KLHL1: variants seen among roughly 807,000 people sequenced by gnomAD.
KLHL1 encodes kelch-like protein 1.
Under a neutral mutation model 77.7 loss-of-function variants are expected in KLHL1, and 47 were observed. That is an observed-to-expected ratio of 0.60 (90% CI 0.48 to 0.77). The LOEUF is 0.77. Ranked by LOEUF, KLHL1 falls within the 30% of genes least tolerant of loss-of-function variation. The probability of loss-of-function intolerance (pLI) is 0.00; values close to 1 mark genes in which losing one functional copy is unlikely to be tolerated. For synonymous variants in KLHL1, 360 were observed against 325.2 expected, an observed-to-expected ratio of 1.11 and a Z score of -1.15; for missense variants, 925 against 910.8, an observed-to-expected ratio of 1.02 and a Z score of -0.20.
chr13:69,771,953 T>TA (rs1280017132), intron 7 of KLHL1, among the ~76,000 whole-genome samples: 1 of 151,990 alleles, frequency 6.6e-6, no homozygotes, highest in Non-Finnish European at 1.5e-5. Flanking sequence ...ATAATAATAA[T>TA]AATAATTGTT....
intron 1 of KLHL1, among the ~76,000 whole-genome samples, chr13:70,027,293 G>A (rs555171691): frequency 3.9e-5 from 6 of 152,186 alleles, no homozygotes; most frequent in African/African-American, 1.2e-4. Context: ...AAGAAGCCAC[G>A]GAGATATAAT....
At chr13:70,019,066 C>T (rs1885726627) in intron 1 of KLHL1, among the ~76,000 whole-genome samples, 1 of 152,142 alleles carries the variant, frequency 6.6e-6, no homozygotes, top group South Asian at 2.1e-4. Flanking sequence ...ACAGAATATC[C>T]TGACTTGATG....
chr13:69,806,777 G>T (rs939073314), intron 6 of KLHL1, among the ~76,000 whole-genome samples: 2 of 152,190 alleles, frequency 1.3e-5, no homozygotes, highest in Non-Finnish European at 2.9e-5. Context: ...TGAGCCTGGA[G>T]TAACCTCAGT....
intron 7 of KLHL1, among the ~76,000 whole-genome samples, chr13:69,753,580 A>G (rs1260156222): frequency 6.6e-6 from 1 of 152,188 alleles, no homozygotes; most frequent in African/African-American, 2.4e-5. Flanking sequence ...TTTATTTTTC[A>G]ATATGACAGA....
chr13:70,043,173 G>A (rs1566526653), intron 1 of KLHL1, among the ~76,000 whole-genome samples: 1 of 151,404 alleles, frequency 6.6e-6, no homozygotes, highest in Non-Finnish European at 1.5e-5. Context: ...GAAAATGCTG[G>A]GATTACAGAC....
intron 4 of KLHL1, among the ~76,000 whole-genome samples, chr13:69,901,065 A>C (rs1441691091): frequency 2.0e-5 from 3 of 152,228 alleles, no homozygotes; most frequent in Non-Finnish European, 4.4e-5. Context: ...CCATAAACAG[A>C]AACAAGAAAC....
rs1364741980 is a variant in KLHL1, at chr13:69,975,536, C to G, written c.680+84G>C. 2.7e-6 allele frequency: 3 copies of G among 1,127,188 alleles called. No homozygotes were observed. In the East Asian group the frequency reaches 8.0e-5, roughly 30 times the overall value. The allele number at this position is 1,127,188 out of a possible 1,614,324, so 69.8% of individuals were successfully genotyped here. ...AAATGTGAATCCTTATTTCTGTAGT[C>G]ATATAATATTCTGCAATCTGCATGC... On this transcript the variant is annotated intron_variant, in intron 2 of 10. Transcript: ENST00000377844.
rs142714505 is a variant in KLHL1 at position 69,967,628 on chromosome 13, C to T, written c.681-6184G>A. 5.6e-3 allele frequency among the ~76,000 whole-genome samples: 850 copies of T among 152,278 alleles called. 8 individuals are homozygous for T. The highest frequency in any genetic ancestry group is 0.018 in the South Asian group (89 of 4,832). ...CCTGGTGGGGCGTTGTGGCTCACGC[C>T]TGAAATCTAAACTTTTTGGGAGGTG... On this transcript the variant is annotated intron_variant, in intron 2 of 10. Coordinates refer to ENST00000377844, the MANE Select transcript of KLHL1 (RefSeq NM_020866.3).
intron 4 of KLHL1, among the ~76,000 whole-genome samples, chr13:69,932,062 A>G (rs1224491933): frequency 2.0e-5 from 3 of 151,746 alleles, no homozygotes; most frequent in African/African-American, 7.2e-5. Context: ...AATTATTAAT[A>G]TGCGAAAGTA....
intron 1 of KLHL1, among the ~76,000 whole-genome samples, chr13:70,038,735 C>T (rs1020386519): frequency 6.6e-5 from 10 of 151,530 alleles, no homozygotes; most frequent in African/African-American, 2.4e-4. Flanking sequence ...GGATTACAGG[C>T]GCCCACCACC....
intron 1 of KLHL1, among the ~76,000 whole-genome samples, chr13:70,087,543 T>TA (rs77258175): frequency 0.015 from 2,033 of 136,000 alleles, 18 homozygotes; most frequent in East Asian, 0.022. Flanking sequence ...TAAAAGGACT[T>TA]AAAAAAAAAA....
intron 1 of KLHL1, among the ~76,000 whole-genome samples, chr13:70,078,902 C>A (rs1471864183): frequency 6.6e-6 from 1 of 152,100 alleles, no homozygotes; most frequent in Non-Finnish European, 1.5e-5. Context: ...ACTTAAACAA[C>A]TAGTCCTCTA....
At chr13:69,802,239 G>GC (rs1338963958) in intron 6 of KLHL1, among the ~76,000 whole-genome samples, 1 of 152,046 alleles carries the variant, frequency 6.6e-6, no homozygotes, top group Non-Finnish European at 1.5e-5. Context: ...GTGTATATGT[G>GC]CCCCATTTTC....
At chr13:70,032,520 G>T (rs1009534877) in intron 1 of KLHL1, among the ~76,000 whole-genome samples, 1 of 152,156 alleles carries the variant, frequency 6.6e-6, no homozygotes, top group Admixed American at 6.5e-5. Flanking sequence ...ATGTTTCTCT[G>T]TCAAACAAGC....
chr13:70,045,010 A>T (rs1029283243), intron 1 of KLHL1, among the ~76,000 whole-genome samples: 2 of 152,146 alleles, frequency 1.3e-5, no homozygotes, highest in African/African-American at 4.8e-5. Context: ...AGCAACACCT[A>T]ACTCTCACGG....
chr13:69,749,528 AT>A (rs1280511046), intron 7 of KLHL1, among the ~76,000 whole-genome samples: 1 of 151,974 alleles, frequency 6.6e-6, no homozygotes, highest in African/African-American at 2.4e-5. Context: ...ATTTACCAGA[AT>A]TTTTCTATAG....
intron 5 of KLHL1, among the ~76,000 whole-genome samples, chr13:69,857,867 T>G (rs1027862946): frequency 6.6e-6 from 1 of 151,550 alleles, no homozygotes; most frequent in Admixed American, 6.6e-5. Flanking sequence ...ATATATATAA[T>G]GAAATTCATT....
At chr13:69,821,386 C>T (rs567569820) in intron 6 of KLHL1, among the ~76,000 whole-genome samples, 1 of 152,128 alleles carries the variant, frequency 6.6e-6, no homozygotes, top group African/African-American at 2.4e-5. Flanking sequence ...CTGATCTTGG[C>T]TCACTACAAC....
chr13:70,091,015 T>C (rs1887659990), intron 1 of KLHL1, among the ~76,000 whole-genome samples: 1 of 152,108 alleles, frequency 6.6e-6, no homozygotes, highest in Non-Finnish European at 1.5e-5. Flanking sequence ...CCTTTTATTT[T>C]TACTTGGATT....
Sources: gnomAD v4.1 joint callset for allele counts (sites outside exome capture counted in the v4.1 genomes callset) on GRCh38, gnomAD v4.1.1 for gene constraint, MANE v1.5 for transcripts, NCBI Gene and HGNC (gene_info 2026-07-23, HGNC 2026-07-21) for gene names.